Variants in AGO1 observed in about 807,000 individuals in gnomAD.
AGO1 encodes argonaute RISC component 1.
AGO1 carries 11 observed loss-of-function variants against 109.2 expected under a neutral mutation model. The ratio of observed to expected loss-of-function variants is 0.10; its 90% confidence interval spans 0.06 to 0.17. The LOEUF is 0.17. Among genes scored for constraint, AGO1 ranks in the 10% least tolerant of loss-of-function variants. The pLI is 1.00. For missense variants in AGO1, 574 were observed against 1,140.3 expected, an observed-to-expected ratio of 0.50 and a Z score of 7.15; for synonymous variants, 422 against 418.6, an observed-to-expected ratio of 1.01 and a Z score of -0.10.
chr1:35,917,894 C>T (rs1312828715), intron 16 of AGO1, among the ~76,000 whole-genome samples, 167 bp downstream of exon 16: 1 of 152,058 alleles, frequency 6.6e-6, no homozygotes, highest in East Asian at 1.9e-4. Flanking sequence ...ACCGCCTTCA[C>T]TAGTGTCCAC....
intron 2 of AGO1, among the ~76,000 whole-genome samples, chr1:35,889,976 A>G (rs895215800): frequency 2.6e-5 from 4 of 151,504 alleles, no homozygotes; most frequent in Non-Finnish European, 5.9e-5. Flanking sequence ...AGGCCTCCCA[A>G]AGTACTGGGA....
chr1:35,879,589 G>A (rs1397353007), upstream of AGO1, among the ~76,000 whole-genome samples: 1 of 151,854 alleles, frequency 6.6e-6, no homozygotes, highest in East Asian at 1.9e-4. Context: ...GCAAAAATTA[G>A]CTGGGTGTGG....
intron 1 of AGO1, among the ~76,000 whole-genome samples, chr1:35,885,472 A>T (rs1039092196): frequency 2.6e-5 from 4 of 152,236 alleles, no homozygotes; most frequent in Admixed American, 2.0e-4. Flanking sequence ...AGTAAAGGGT[A>T]TAATTGAGAT....
At chr1:35,913,549 C>T (rs1336492683) in intron 12 of AGO1, among the ~76,000 whole-genome samples, 1 of 152,180 alleles carries the variant, frequency 6.6e-6, no homozygotes, top group African/African-American at 2.4e-5. Context: ...CCTTTGCTGT[C>T]ATCAGATTTC....
chr1:35,876,334 TC>T (rs1322075636), intron 1 of AGO1, among the ~76,000 whole-genome samples: 21 of 151,954 alleles, frequency 1.4e-4, no homozygotes, highest in Admixed American at 3.3e-4. Flanking sequence ...TGGTGCGATC[TC>T]GGCTCACTGC....
upstream of AGO1, chr1:35,882,751 C>CT: frequency 2.1e-6 from 2 of 956,990 alleles, no homozygotes; most frequent in South Asian, 9.7e-5. The surrounding 1 kb of genome is among the most constrained non-coding windows in gnomAD (Gnocchi z 5.1). Context: ...AGTTCAGTGA[C>CT]TAGGGACGGA....
At chr1:35,892,058 A>AT (rs1213056590) in intron 2 of AGO1, among the ~76,000 whole-genome samples, 2 of 151,980 alleles carry the variant, frequency 1.3e-5, no homozygotes, top group Non-Finnish European at 2.9e-5. Context: ...CAAACATTTT[A>AT]TTTTTTTGTA....
Position 35,927,602 on chromosome 1 carries a change from C to T in AGO1, c.*7995C>T, listed in dbSNP as rs1305415314. 1 of 152,232 alleles carries T rather than the reference C, an allele frequency of 6.6e-6. No homozygotes were observed. Among genetic ancestry groups the T allele is most frequent in the Non-Finnish European group, 1.5e-5 (1 of 68,042 alleles). The allele number at this position is 152,232 out of a possible 1,614,324, so 9.4% of individuals were successfully genotyped here. ...TTGCTAGAAATGGGTCATCTCACTC[C>T]TGTCATTGGCAAAGCAAGTAAGATC... On this transcript the variant is annotated 3_prime_UTR_variant, in exon 19 of 19. Coordinates refer to ENST00000373204, the MANE Select transcript of AGO1 (RefSeq NM_012199.5).
chr1:35,914,168 T>C lies in AGO1; in HGVS notation c.1743-16T>C, dbSNP rs370702202. ...GACCCAGCGCCTCACCATTTTGTTT[T>C]CTCTTCCTTGCTCAGCTCTGCCGTT... On this transcript the variant is annotated splice_polypyrimidine_tract_variant and intron_variant, in intron 13 of 18. Transcript: ENST00000373204. The C allele has an allele frequency of 5.0e-6, 8 of 1,613,694 alleles. No individual in the cohort carries two copies. The highest frequency in any genetic ancestry group is 6.8e-6 in the Non-Finnish European group (8 of 1,179,704).
chr1:35,870,548 C>T (rs1644941272), intron 1 of AGO1, among the ~76,000 whole-genome samples: 2 of 152,188 alleles, frequency 1.3e-5, no homozygotes, highest in African/African-American at 2.4e-5. Flanking sequence ...TCCCAAAGTG[C>T]TGGGATTACA....
At position 35,894,174 on chromosome 1, in the gene AGO1, G is replaced by A. The variant is rs1227562963; in HGVS notation, c.784+3G>A. 1.3e-6 allele frequency: 2 copies of A among 1,571,380 alleles called. No homozygotes were observed. The highest frequency in any genetic ancestry group is 1.7e-6 in the Non-Finnish European group (2 of 1,158,274). ...TCGCTTCACCAAGGAGATCAAGGGT[G>A]AGGACCCAACAGGAGGGGAAGGGAA... On this transcript the variant is annotated splice_donor_region_variant and intron_variant, in intron 6 of 18. Transcript: ENST00000373204.
At chr1:35,902,104 G>T in intron 10 of AGO1, 34 bp downstream of exon 10, 1 of 1,586,530 alleles carries the variant, frequency 6.3e-7, no homozygotes, top group Non-Finnish European at 8.6e-7. Context: ...ACATCTCGGG[G>T]CATATGGGGG....
intron 12 of AGO1, among the ~76,000 whole-genome samples, chr1:35,907,904 C>T (rs1369113684): frequency 2.0e-5 from 3 of 152,146 alleles, no homozygotes; most frequent in Non-Finnish European, 2.9e-5. Flanking sequence ...GTGGGAGGAT[C>T]GCTTGTGCCC....
Position 35,924,267 on chromosome 1 carries a change from T to C in AGO1, c.*4660T>C. 1 of 153,914 alleles carries C rather than the reference T, an allele frequency of 6.5e-6. No homozygotes were observed. The highest frequency in any genetic ancestry group is 1.2e-3 in the Middle Eastern group (1 of 802). 9.5% of individuals were successfully genotyped at this position (153,914 alleles called of 1,614,324 possible). A position where few individuals can be genotyped will look rare whatever the true frequency, so the allele number is the denominator to read the frequency against. ...CAGCAGCAGCAGCACAATTCTGTGTTTTATAAAGACAACAGTGGCTTCTAT... is the reference window on the plus strand; with the variant it reads ...CAGCAGCAGCAGCACAATTCTGTGTCTTATAAAGACAACAGTGGCTTCTAT... On this transcript the variant is annotated 3_prime_UTR_variant, in exon 19 of 19. Transcript: ENST00000373204.
upstream of AGO1, among the ~76,000 whole-genome samples, chr1:35,882,104 G>A (rs987375836): frequency 6.6e-6 from 1 of 152,248 alleles, no homozygotes; most frequent in African/African-American, 2.4e-5. This position sits in a 1 kb window ranked among gnomAD's most constrained non-coding sequence, Gnocchi z 5.1. Context: ...GGTGCTGTTC[G>A]CTGAGATAGG....
chr1:35,899,544 A>G (rs992701659), intron 8 of AGO1, among the ~76,000 whole-genome samples: 4 of 152,204 alleles, frequency 2.6e-5, no homozygotes, highest in African/African-American at 7.2e-5. Flanking sequence ...GCTAGTGTTA[A>G]TTCTGTATCT....
At position 35,922,627 on chromosome 1, in the gene AGO1, C is replaced by T. The variant is rs1557627632; in HGVS notation, c.*3020C>T. The stretch of plus-strand genomic sequence containing the variant: ...GCCTGCCTGCCTGCCTGCCTGCCTG[C>T]CTGTCTGCCTATGTGATGATGAAAT... On this transcript the variant is annotated 3_prime_UTR_variant, in exon 19 of 19. Transcript: ENST00000373204. The T allele has an allele frequency of 5.2e-5, 8 of 152,930 alleles. No homozygotes were observed. Among genetic ancestry groups the T allele is most frequent in the Non-Finnish European group, 1.2e-4 (8 of 68,916 alleles). 9.5% of individuals were successfully genotyped at this position (152,930 alleles called of 1,614,324 possible).
At chr1:35,875,494 A>G (rs1571332611) in intron 1 of AGO1, among the ~76,000 whole-genome samples, 1 of 151,970 alleles carries the variant, frequency 6.6e-6, no homozygotes, top group Non-Finnish European at 1.5e-5. Flanking sequence ...GCTCACTGCA[A>G]CCTCCGCCTC....
chr1:35,921,524 A>G lies in AGO1; in HGVS notation c.*1917A>G, dbSNP rs1354127015. ...TCTATCCTGATCTGGTGATGAAGCC[A>G]TGATTACTTTAGACCTAGCCCAGGC... On this transcript the variant is annotated 3_prime_UTR_variant, in exon 19 of 19. Transcript: ENST00000373204. The G allele has an allele frequency of 6.5e-6, 1 of 152,762 alleles. No homozygotes were observed. The highest frequency in any genetic ancestry group is 3.4e-3 in the Middle Eastern group (1 of 294). 9.5% of individuals were successfully genotyped at this position (152,762 alleles called of 1,614,324 possible). A position where few individuals can be genotyped will look rare whatever the true frequency, so the allele number is the denominator to read the frequency against.
Sources: allele counts gnomAD v4.1 joint callset (sites outside exome capture counted in the v4.1 genomes callset), GRCh38; gene constraint gnomAD v4.1.1; non-coding constraint Gnocchi (gnomAD v3.1); transcripts MANE v1.5; gene names NCBI Gene and HGNC (gene_info 2026-07-23, HGNC 2026-07-21).